Variants in GABRB3 observed in about 807,000 individuals in gnomAD.
GABRB3 encodes gamma-aminobutyric acid type A receptor subunit beta3.
A neutral mutation model predicts 52.1 loss-of-function variants in GABRB3; 14 were observed. The observed-to-expected ratio is 0.27, with a 90% CI of 0.18 to 0.42. The LOEUF is 0.42. GABRB3 is among the 10% of genes least tolerant of loss of function. The pLI is 1.00. For missense variants in GABRB3, 307 were observed against 609.1 expected, an observed-to-expected ratio of 0.50 and a Z score of 5.22; for synonymous variants, 260 against 232.3, an observed-to-expected ratio of 1.12 and a Z score of -1.08.
Position 26,561,057 on chromosome 15 carries a change from G to A in GABRB3, c.955C>T (p.Leu319=). 11 of 1,614,188 alleles carry A rather than the reference G, an allele frequency of 6.8e-6. No individual in the cohort carries two copies. The highest frequency in any genetic ancestry group is 8.5e-6 in the Non-Finnish European group (10 of 1,180,046). ...ACAAAGGCATACTCCAGAAGGGCCA[G>A]GAACACAAAGACGAAGCAGCCCATA... is the stretch of plus-strand genomic sequence containing the variant. ...YLMGCFVFVF[L]ALLEYAFVNY... Residue 319 remains leucine (L), a synonymous_variant, in exon 8 of 9, where the codon CTG becomes TTG. Transcript: ENST00000311550.
At chr15:26,652,340 C>T (rs953864662) in intron 3 of GABRB3, among the ~76,000 whole-genome samples, 10 of 152,150 alleles carry the variant, frequency 6.6e-5, no homozygotes, top group East Asian at 3.9e-4. Flanking sequence ...TGTAACTTAA[C>T]GGCCTCAGGA....
chr15:26,725,456 C>G (rs1018374832), intron 3 of GABRB3, among the ~76,000 whole-genome samples: 1 of 152,208 alleles, frequency 6.6e-6, no homozygotes, highest in Middle Eastern at 3.2e-3. Context: ...ATCCTCCACA[C>G]ACCACATTGG....
At chr15:26,586,433 T>C (rs10873635) in intron 4 of GABRB3, among the ~76,000 whole-genome samples, 144,905 of 149,690 alleles carry the variant, frequency 0.97, 70,109 homozygotes, top group East Asian at 1. Flanking sequence ...CACGCATACA[T>C]ACACATAAAC....
intron 3 of GABRB3, among the ~76,000 whole-genome samples, chr15:26,638,928 C>T (rs1362290639): frequency 6.6e-6 from 1 of 152,130 alleles, no homozygotes; most frequent in East Asian, 1.9e-4. Flanking sequence ...AGAGTCTGTT[C>T]CGGTGAGGTG....
intron 3 of GABRB3, among the ~76,000 whole-genome samples, chr15:26,655,842 A>C (rs964306078): frequency 6.6e-6 from 1 of 152,056 alleles, no homozygotes; most frequent in Non-Finnish European, 1.5e-5. Flanking sequence ...CCTGCTAATC[A>C]GCTCATTAGA....
chr15:26,605,284 A>G (rs568804102), intron 4 of GABRB3, among the ~76,000 whole-genome samples: 1 of 152,336 alleles, frequency 6.6e-6, no homozygotes, highest in African/African-American at 2.4e-5. Context: ...AAGGATGTAG[A>G]GAAAAGGGAA....
chr15:26,655,890 A>C (rs1352180961), intron 3 of GABRB3, among the ~76,000 whole-genome samples: 4 of 152,078 alleles, frequency 2.6e-5, no homozygotes, highest in African/African-American at 9.7e-5. Flanking sequence ...TTTCATTTAC[A>C]TTTTTTATTT....
Position 26,561,075 on chromosome 15 carries a change from A to C in GABRB3, c.937T>G (p.Cys313Gly). 6.2e-7 allele frequency: 1 copy of C among 1,614,234 alleles called. No individual in the cohort carries two copies. The highest frequency in any genetic ancestry group is 8.5e-7 in the Non-Finnish European group (1 of 1,180,038). Residue 313 changes from cysteine to glycine, a missense_variant, in exon 8 of 9, where the codon TGC (cysteine) becomes GGC (glycine). This residue lies in a region of GABRB3 where 32 missense variants were observed against 147.8 expected (regional missense o/e 0.22). Transcript: ENST00000311550. ...VKAIDMYLMG[C>G]FVFVFLALLE... Reference sequence around the variant, plus strand: ...AGGGCCAGGAACACAAAGACGAAGCAGCCCATAAGGTACATGTCAATGGCT... The same window carrying C: ...AGGGCCAGGAACACAAAGACGAAGCCGCCCATAAGGTACATGTCAATGGCT...
At chr15:26,672,776 A>G (rs1007811928) in intron 3 of GABRB3, among the ~76,000 whole-genome samples, 1 of 152,244 alleles carries the variant, frequency 6.6e-6, no homozygotes, top group Non-Finnish European at 1.5e-5. Flanking sequence ...CATCATGATC[A>G]GAGCAGATGC....
intron 3 of GABRB3, among the ~76,000 whole-genome samples, chr15:26,743,146 T>C (rs1890255168): frequency 6.6e-6 from 1 of 152,146 alleles, no homozygotes; most frequent in African/African-American, 2.4e-5. Flanking sequence ...GTCAGGCTGG[T>C]CTCAAACTCC....
chr15:26,554,756 C>T (rs769218574), intron 8 of GABRB3, among the ~76,000 whole-genome samples: 4 of 152,266 alleles, frequency 2.6e-5, no homozygotes, highest in Non-Finnish European at 5.9e-5. Flanking sequence ...GCACATGGGA[C>T]GTGAGTGATC....
At chr15:26,613,297 G>C (rs1892140428) in intron 4 of GABRB3, 1 of 152,616 alleles carries the variant, frequency 6.6e-6, no homozygotes, top group Non-Finnish European at 1.5e-5. Flanking sequence ...TGTAGTCCCA[G>C]CTACTCGGGA....
At chr15:26,555,170 C>T (rs534375331) in intron 8 of GABRB3, among the ~76,000 whole-genome samples, 7 of 151,950 alleles carry the variant, frequency 4.6e-5, no homozygotes, top group East Asian at 1.9e-4. Context: ...GGCGACAGAG[C>T]GAGACTCCGT....
At chr15:26,637,023 C>T (rs919074) in intron 3 of GABRB3, among the ~76,000 whole-genome samples, 151,396 of 152,300 alleles carry the variant, frequency 0.99, 75,249 homozygotes, top group East Asian at 1. Flanking sequence ...TAATGAACAA[C>T]TGAAGTCAGA....
At chr15:26,552,348 T>C (rs1889505486) in intron 8 of GABRB3, among the ~76,000 whole-genome samples, 1 of 152,196 alleles carries the variant, frequency 6.6e-6, no homozygotes. Flanking sequence ...TTCCACGGGA[T>C]GATTAGCAGC....
At chr15:26,696,315 C>A (rs1470003478) in intron 3 of GABRB3, among the ~76,000 whole-genome samples, 1 of 152,112 alleles carries the variant, frequency 6.6e-6, no homozygotes, top group African/African-American at 2.4e-5. Context: ...TTTGTATATA[C>A]ATTTTCCCAT....
At chr15:26,588,200 G>A (rs1275883688) in intron 4 of GABRB3, among the ~76,000 whole-genome samples, 1 of 152,100 alleles carries the variant, frequency 6.6e-6, no homozygotes, top group African/African-American at 2.4e-5. Flanking sequence ...AAACAAAAAA[G>A]TCGACAAAGA....
intron 3 of GABRB3, among the ~76,000 whole-genome samples, chr15:26,729,111 C>A (rs761499660): frequency 1.3e-5 from 2 of 152,142 alleles, no homozygotes; most frequent in South Asian, 2.1e-4. Context: ...CTTTCCCCCA[C>A]GCCTCTGCAA....
chr15:26,736,688 T>TA (rs1466774842), intron 3 of GABRB3, among the ~76,000 whole-genome samples: 3 of 152,202 alleles, frequency 2.0e-5, no homozygotes, highest in Non-Finnish European at 4.4e-5. Context: ...GAGCATAGGG[T>TA]AGCTTTGTGA....
Sources: allele counts gnomAD v4.1 joint callset (sites outside exome capture counted in the v4.1 genomes callset), GRCh38; gene constraint gnomAD v4.1.1; regional missense constraint gnomAD v4.1.1; transcripts MANE v1.5; gene names NCBI Gene and HGNC (gene_info 2026-07-23, HGNC 2026-07-21).